JKAMP: variants seen among roughly 807,000 people sequenced by gnomAD.
The protein encoded by JKAMP is JNK1/MAPK8-associated membrane protein.
A neutral mutation model predicts 40.2 loss-of-function variants in JKAMP; 20 were observed. The observed-to-expected ratio is 0.50, with a 90% CI of 0.35 to 0.72. JKAMP has a LOEUF of 0.72. Among genes scored for constraint, JKAMP ranks in the 30% least tolerant of loss-of-function variants. The pLI is 0.01. For missense variants in JKAMP, 276 were observed against 373.0 expected, an observed-to-expected ratio of 0.74 and a Z score of 2.14; for synonymous variants, 138 against 131.6, an observed-to-expected ratio of 1.05 and a Z score of -0.33.
intron 3 of JKAMP, among the ~76,000 whole-genome samples, chr14:59,492,800 T>C (rs1402706334): frequency 3.5e-5 from 2 of 57,554 alleles, no homozygotes; most frequent in Admixed American, 2.0e-4. Flanking sequence ...AGCTGCTATT[T>C]TTTTTTTTTT....
chr14:59,486,921 C>T (rs1890626042), intron 2 of JKAMP, 117 bp downstream of exon 2: 1 of 757,892 alleles, frequency 1.3e-6, no homozygotes, highest in East Asian at 2.7e-5. Context: ...ATATGGAGGA[C>T]CAGGCGCAGT....
At chr14:59,492,722 ATGTTT>A (rs1488088425) in intron 3 of JKAMP, among the ~76,000 whole-genome samples, 4 of 152,138 alleles carry the variant, frequency 2.6e-5, no homozygotes, top group Admixed American at 6.5e-5. Flanking sequence ...CACAGCATAA[ATGTTT>A]TGTTAAGTCT....
intron 3 of JKAMP, among the ~76,000 whole-genome samples, chr14:59,493,199 T>G (rs1224351463): frequency 6.6e-6 from 1 of 152,084 alleles, no homozygotes; most frequent in African/African-American, 2.4e-5. Flanking sequence ...CCAAGCAGAA[T>G]AAACAGAAAT....
intron 1 of JKAMP, chr14:59,485,223 C>T (rs2139848242): frequency 8.2e-7 from 1 of 1,223,106 alleles, no homozygotes; most frequent in Admixed American, 2.3e-5. Flanking sequence ...TATTAAGCAT[C>T]TACTAGATGT....
intron 4 of JKAMP, among the ~76,000 whole-genome samples, chr14:59,498,371 T>A (rs1284722002): frequency 1.3e-5 from 2 of 152,236 alleles, no homozygotes; most frequent in Non-Finnish European, 2.9e-5. Flanking sequence ...ATTTATTTTC[T>A]TCTGGGCTTT....
At chr14:59,490,994 T>G (rs1430234616) in intron 3 of JKAMP, among the ~76,000 whole-genome samples, 1 of 151,734 alleles carries the variant, frequency 6.6e-6, no homozygotes, top group Non-Finnish European at 1.5e-5. Flanking sequence ...GGAAAGGAGG[T>G]GGGTTTAAAA....
intron 1 of JKAMP, chr14:59,485,363 G>A (rs1287573850): frequency 2.5e-6 from 1 of 394,296 alleles, no homozygotes; most frequent in Non-Finnish European, 4.4e-6. Flanking sequence ...GCCCATTAAA[G>A]AGGCCAGTGG....
At chr14:59,498,483 A>G (rs910525724) in intron 4 of JKAMP, among the ~76,000 whole-genome samples, 6 of 152,158 alleles carry the variant, frequency 3.9e-5, no homozygotes, top group South Asian at 4.1e-4. Flanking sequence ...GCTGAATCAA[A>G]AGGGATAAAC....
chr14:59,486,850 G>T, intron 2 of JKAMP, 46 bp downstream of exon 2: 1 of 1,253,758 alleles, frequency 8.0e-7, no homozygotes. Flanking sequence ...AAATCTATTT[G>T]CTTTTGAAAT....
At chr14:59,496,173 T>G (rs543337319) in intron 4 of JKAMP, among the ~76,000 whole-genome samples, 1 of 152,300 alleles carries the variant, frequency 6.6e-6, no homozygotes, top group African/African-American at 2.4e-5. Context: ...CCCAAAGTGA[T>G]GGGATTACAG....
chr14:59,499,105 C>T (rs1423749112), intron 5 of JKAMP, among the ~76,000 whole-genome samples, 197 bp downstream of exon 5: 1 of 138,652 alleles, frequency 7.2e-6, no homozygotes, highest in African/African-American at 2.7e-5. Flanking sequence ...TTCACTGCAA[C>T]CTCCGCCTCC....
chr14:59,488,488 A>G (rs1031054421), intron 3 of JKAMP, among the ~76,000 whole-genome samples: 8 of 152,210 alleles, frequency 5.3e-5, no homozygotes, highest in Non-Finnish European at 1.0e-4. Context: ...TAGGCAGAAG[A>G]AACAGCATGA....
At chr14:59,495,354 C>G in intron 4 of JKAMP, 130 bp downstream of exon 4, 1 of 634,640 alleles carries the variant, frequency 1.6e-6, no homozygotes, top group Non-Finnish European at 2.8e-6. Flanking sequence ...GCTTTATTAC[C>G]TTGAACATGT....
chr14:59,502,679 G>C (rs6573259), intron 6 of JKAMP, among the ~76,000 whole-genome samples: 1 of 151,208 alleles, frequency 6.6e-6, no homozygotes. Context: ...TAGTTTTGGC[G>C]CTTTTATCAA....
chr14:59,486,536 T>G, intron 1 of JKAMP, 177 bp from the exon 2 acceptor site: 1 of 596,958 alleles, frequency 1.7e-6, no homozygotes, highest in Non-Finnish European at 3.0e-6. Context: ...GATAACTGTC[T>G]GCAGTGTCAC....
At position 59,502,755 on chromosome 14, in the gene JKAMP, T is replaced by TGTTTTGTTTTGTTTTGTTTTTTTATTTTG. The variant is rs67189643; in HGVS notation, c.718-1099_718-1098insGTTTTGTTTTGTTTTGTTTTTTTATTTTG. Among the ~76,000 whole-genome samples, 2 of 122,918 alleles carry TGTTTTGTTTTGTTTTGTTTTTTTATTTTG rather than the reference T, an allele frequency of 1.6e-5. 1 individual carries two copies. Among genetic ancestry groups the TGTTTTGTTTTGTTTTGTTTTTTTATTTTG allele is most frequent in the Admixed American group, 1.8e-4 (2 of 11,320 alleles). 80.6% of individuals were successfully genotyped at this position (122,918 alleles called of 152,430 possible). On this transcript the variant is annotated intron_variant, in intron 6 of 6. Transcript: ENST00000616435. ...GGATATTTGAATAAAATGAGATTTT[T>TGTTTTGTTTTGTTTTGTTTTTTTATTTTG]TTTTTTTTTTTTTTTTTTCGGAGTC...
At chr14:59,497,823 A>C (rs1200917088) in intron 4 of JKAMP, among the ~76,000 whole-genome samples, 1 of 152,184 alleles carries the variant, frequency 6.6e-6, no homozygotes, top group African/African-American at 2.4e-5. Context: ...TGGTATCATG[A>C]TGCTGTGTGG....
chr14:59,500,408 C>T (rs981813188), intron 5 of JKAMP, among the ~76,000 whole-genome samples: 1 of 151,970 alleles, frequency 6.6e-6, no homozygotes, highest in African/African-American at 2.4e-5. Flanking sequence ...CTCAATTTGT[C>T]CATTTATTTT....
intron 5 of JKAMP, among the ~76,000 whole-genome samples, chr14:59,500,685 T>G (rs982349504): frequency 6.6e-6 from 1 of 152,198 alleles, no homozygotes; most frequent in African/African-American, 2.4e-5. Flanking sequence ...TTGACCATTT[T>G]TTTGAATTCT....
Sources: allele counts gnomAD v4.1 joint callset (sites outside exome capture counted in the v4.1 genomes callset), GRCh38; gene constraint gnomAD v4.1.1; transcripts MANE v1.5; gene names NCBI Gene and HGNC (gene_info 2026-07-23, HGNC 2026-07-21).